The following TSPAN9 variants were observed in gnomAD, a reference collection of about 807,000 sequenced individuals.
The protein encoded by TSPAN9 is tetraspanin-9.
TSPAN9 carries 16 observed loss-of-function variants against 31.0 expected under a neutral mutation model. The observed-to-expected ratio is 0.52, with a 90% confidence interval of 0.35 to 0.78. The LOEUF (loss-of-function observed/expected upper bound fraction) is 0.78, where lower values mean the gene tolerates loss of function less well. TSPAN9 is among the 30% of genes least tolerant of loss of function. The pLI is 0.01. For missense variants in TSPAN9, 272 were observed against 312.5 expected (o/e 0.87, Z 0.98); for synonymous variants, 145 against 121.6 (o/e 1.19, Z -1.27).
intron 2 of TSPAN9, among the ~76,000 whole-genome samples, chr12:3,135,750 C>T (rs1167153317): frequency 6.6e-6 from 1 of 152,210 alleles, no homozygotes; most frequent in Admixed American, 6.5e-5. Flanking sequence ...CATGGGGACT[C>T]AAATTCCACA....
At chr12:3,125,874 T>A (rs1349948898) in intron 2 of TSPAN9, among the ~76,000 whole-genome samples, 1 of 152,174 alleles carries the variant, frequency 6.6e-6, no homozygotes. Context: ...TTTGTTTGTG[T>A]TTCATGGATT....
Position 3,085,290 on chromosome 12 carries a change from C to T in TSPAN9, c.-18+1571C>T, listed in dbSNP as rs185503448. On this transcript the variant is annotated intron_variant, in intron 2 of 8. Coordinates refer to ENST00000011898, the MANE Select transcript of TSPAN9 (RefSeq NM_006675.5). Reference sequence around the variant, plus strand: ...GCTGTGCGGCATGTCCCCCACATCCCGTGGGGCCTGTTCCTGGTGGGCCCT... The same window carrying T: ...GCTGTGCGGCATGTCCCCCACATCCTGTGGGGCCTGTTCCTGGTGGGCCCT... 1.3e-3 allele frequency among the ~76,000 whole-genome samples: 193 copies of T among 151,990 alleles called. 1 individual carries two copies. The highest frequency in any genetic ancestry group is 1.9e-3 in the South Asian group (9 of 4,796).
In TSPAN9 at chr12:3,278,557, C is replaced by G. The variant is rs372946603; in HGVS notation, c.200C>G (p.Thr67Arg). ...VIAIGTIVMV[T>R]GFLGCLGAIK... ...GCCATAGGCACCATTGTCATGGTGA[C>G]GGGCTTCCTCGGCTGCCTGGGGGCC... is the stretch of plus-strand genomic sequence containing the variant. Residue 67 changes from threonine to arginine, a missense_variant, in exon 4 of 9, where the codon ACG becomes AGG. Transcript: ENST00000011898. 1.9e-6 allele frequency: 3 copies of G among 1,614,024 alleles called. No homozygotes were observed. In the African/African-American group the frequency reaches 4.0e-5, roughly 22 times the overall value.
intron 3 of TSPAN9, among the ~76,000 whole-genome samples, chr12:3,252,380 C>G (rs1405630316): frequency 1.3e-5 from 2 of 152,232 alleles, no homozygotes; most frequent in East Asian, 1.9e-4. Flanking sequence ...GGGAATGGCA[C>G]GCAGGAATGT....
intron 3 of TSPAN9, among the ~76,000 whole-genome samples, chr12:3,223,127 T>C (rs761406870): frequency 5.3e-5 from 8 of 152,254 alleles, no homozygotes; most frequent in Non-Finnish European, 1.0e-4. Context: ...ACTGCGGTTT[T>C]GCTTACAAAT....
intron 3 of TSPAN9, among the ~76,000 whole-genome samples, chr12:3,206,574 C>A (rs1448821521): frequency 1.3e-5 from 2 of 152,054 alleles, no homozygotes; most frequent in African/African-American, 2.4e-5. Context: ...AGAAAAACAG[C>A]CTTCCTTTTG....
chr12:3,195,428 T>TA lies in TSPAN9; in HGVS notation c.-17-5739dup, dbSNP rs879509676. Reference sequence around the variant, plus strand: ...GCTGTAGTTACTTCACTTTTTTTGTTAAAAAAAAAATAAAAGAAAAGTGAA... The same window carrying TA: ...GCTGTAGTTACTTCACTTTTTTTGTTAAAAAAAAAAATAAAAGAAAAGTGAA... On this transcript the variant is annotated intron_variant, in intron 2 of 8. Coordinates refer to ENST00000011898, the MANE Select transcript of TSPAN9 (RefSeq NM_006675.5). Among the ~76,000 whole-genome samples the TA allele has an allele frequency of 2.0e-3, 306 of 150,484 alleles. 2 individuals carry two copies. The highest frequency in any genetic ancestry group is 5.6e-3 in the African/African-American group (230 of 40,988).
chr12:3,256,025 C>A (rs1565634112), intron 3 of TSPAN9, among the ~76,000 whole-genome samples: 1 of 152,188 alleles, frequency 6.6e-6, no homozygotes, highest in Admixed American at 6.5e-5. Flanking sequence ...CCGCCTCTTG[C>A]AGTAGGTGGA....
chr12:3,085,764 C>A (rs190901474), intron 2 of TSPAN9, among the ~76,000 whole-genome samples: 72 of 152,298 alleles, frequency 4.7e-4, no homozygotes, highest in African/African-American at 1.5e-3. Flanking sequence ...GTTGGTATGC[C>A]TGGGTTTTGG....
rs1335385661 is a variant in TSPAN9, at chr12:3,172,174, C to T, written c.-17-29003C>T. The T allele has an allele frequency of 6.6e-6, 1 of 152,364 alleles. No individual in the cohort carries two copies. Among genetic ancestry groups the T allele is most frequent in the Non-Finnish European group, 1.5e-5 (1 of 68,138 alleles). 9.4% of individuals were successfully genotyped at this position (152,364 alleles called of 1,614,324 possible). ...TCATTTCTCCTCTTCCTCCCTGGCCCTCTGGTAGCAGCCAGCAAAGCAGGA... is the reference window on the plus strand; with the variant it reads ...TCATTTCTCCTCTTCCTCCCTGGCCTTCTGGTAGCAGCCAGCAAAGCAGGA... On this transcript the variant is annotated intron_variant, in intron 2 of 8. Coordinates refer to ENST00000011898, the MANE Select transcript of TSPAN9 (RefSeq NM_006675.5). The surrounding 1 kb of genome is among the most constrained non-coding windows in gnomAD (Gnocchi z 4.8).
chr12:3,196,512 A>G (rs1218563731), intron 2 of TSPAN9, among the ~76,000 whole-genome samples: 1 of 152,216 alleles, frequency 6.6e-6, no homozygotes, highest in African/African-American at 2.4e-5. Flanking sequence ...AATGGGGATA[A>G]TAGGGTGTAC....
chr12:3,094,538 GTT>G (rs3062035), intron 2 of TSPAN9, among the ~76,000 whole-genome samples: 3 of 142,588 alleles, frequency 2.1e-5, no homozygotes, highest in Non-Finnish European at 1.5e-5. Flanking sequence ...TGTTGTTGTT[GTT>G]TTTTTTTTTT....
At chr12:3,270,708 A>T (rs1862661553) in intron 3 of TSPAN9, among the ~76,000 whole-genome samples, 1 of 152,262 alleles carries the variant, frequency 6.6e-6, no homozygotes, top group South Asian at 2.1e-4. Context: ...CCCACCACGC[A>T]GGGCCCTGAC....
chr12:3,096,886 G>A (rs2153964015), intron 2 of TSPAN9, among the ~76,000 whole-genome samples: 1 of 152,136 alleles, frequency 6.6e-6, no homozygotes, highest in African/African-American at 2.4e-5. Context: ...TTTTAGTAGA[G>A]ACGGGGTTTC....
chr12:3,273,531 C>T (rs915289785), intron 3 of TSPAN9, among the ~76,000 whole-genome samples: 3 of 152,182 alleles, frequency 2.0e-5, no homozygotes, highest in Non-Finnish European at 4.4e-5. Context: ...GATTATAGCT[C>T]AGTCATCTCA....
At chr12:3,242,144 A>ATTC (rs1338685875) in intron 3 of TSPAN9, among the ~76,000 whole-genome samples, 2 of 152,170 alleles carry the variant, frequency 1.3e-5, no homozygotes, top group African/African-American at 4.8e-5. Flanking sequence ...GGGTGACATT[A>ATTC]TTCTTAACTT....
At chr12:3,185,207 G>A (rs373730472) in intron 2 of TSPAN9, among the ~76,000 whole-genome samples, 30 of 152,274 alleles carry the variant, frequency 2.0e-4, no homozygotes, top group African/African-American at 7.0e-4. Context: ...GAGGGGAGAC[G>A]GGGCGGGAGA....
At chr12:3,124,425 T>G (rs2098326450) in intron 2 of TSPAN9, among the ~76,000 whole-genome samples, 1 of 152,182 alleles carries the variant, frequency 6.6e-6, no homozygotes, top group South Asian at 2.1e-4. Flanking sequence ...TATATAAATT[T>G]TGATACATTC....
intron 3 of TSPAN9, among the ~76,000 whole-genome samples, chr12:3,248,063 C>T (rs914593630): frequency 2.6e-5 from 4 of 152,168 alleles, no homozygotes; most frequent in Admixed American, 6.5e-5. Context: ...TCAACCTCTC[C>T]GGATTAGAGC....
Sources: gnomAD v4.1 joint callset for allele counts (sites outside exome capture counted in the v4.1 genomes callset) on GRCh38, gnomAD v4.1.1 for gene constraint, Gnocchi (gnomAD v3.1) non-coding constraint, MANE v1.5 for transcripts, NCBI Gene and HGNC (gene_info 2026-07-23, HGNC 2026-07-21) for gene names.